HUWE1: variants seen among roughly 807,000 people sequenced by gnomAD.
HUWE1 encodes HECT, UBA and WWE domain containing E3 ubiquitin protein ligase 1.
Under a neutral mutation model 299.4 loss-of-function variants are expected in HUWE1, and 18 were observed. The observed-to-expected ratio is 0.06, with a 90% confidence interval of 0.04 to 0.09. The LOEUF is 0.09. HUWE1 is among the 10% of genes least tolerant of loss of function. HUWE1 has a pLI of 1.00. For synonymous variants in HUWE1, 1,317 were observed against 1,286.1 expected, an observed-to-expected ratio of 1.02 and a Z score of -0.51; for missense variants, 1,832 against 3,462.3, an observed-to-expected ratio of 0.53 and a Z score of 11.82.
intron 43 of HUWE1, among the ~76,000 whole-genome samples, chrX:53,577,693 T>G (rs1159162813): frequency 3.3e-5 from 1 of 29,872 alleles, no homozygotes; most frequent in Non-Finnish European, 8.7e-5. Context: ...TGGTTTTCGT[T>G]TTTTTTTTTT....
chrX:53,655,814 C>T (rs1157493373), intron 3 of HUWE1, among the ~76,000 whole-genome samples: 2 of 111,983 alleles, frequency 1.8e-5, no homozygotes, highest in African/African-American at 6.5e-5. Context: ...TGCTTTCCCT[C>T]TAAGATTAGG....
chrX:53,662,811 AAAG>A (rs782428145), intron 3 of HUWE1, among the ~76,000 whole-genome samples: 9 of 112,159 alleles, frequency 8.0e-5, no homozygotes, highest in African/African-American at 2.6e-4. Flanking sequence ...AAGGTAAGGC[AAAG>A]AAGGGGCCGG....
intron 62 of HUWE1, 24 bp from the exon 63 acceptor site, chrX:53,552,465 G>C (rs1252512386): frequency 8.3e-7 from 1 of 1,207,748 alleles, no homozygotes; most frequent in African/African-American, 1.7e-5. Context: ...TGCTCAGGTT[G>C]CTGTCTGTAT....
intron 43 of HUWE1, among the ~76,000 whole-genome samples, chrX:53,578,361 G>T (rs1315563840): frequency 9.6e-6 from 1 of 104,663 alleles, no homozygotes; most frequent in Non-Finnish European, 2.0e-5. Context: ...GGTGGGGGGG[G>T]GTCAGCCCCC....
intron 54 of HUWE1, 54 bp from the exon 55 acceptor site, chrX:53,561,978 C>T (rs2147658945): frequency 8.3e-7 from 1 of 1,211,220 alleles, no homozygotes. Context: ...TTTCTGAAGC[C>T]TGGTGCCATG....
chrX:53,678,824 C>A (rs2069968646), intron 3 of HUWE1, among the ~76,000 whole-genome samples: 1 of 111,565 alleles, frequency 9.0e-6, no homozygotes, highest in African/African-American at 3.3e-5. Context: ...ATGAAAAACC[C>A]CAAAGGCACA....
intron 70 of HUWE1, 129 bp from the exon 71 acceptor site, chrX:53,545,290 G>A: frequency 1.5e-6 from 1 of 657,587 alleles, no homozygotes. Flanking sequence ...AGAGTGAGCT[G>A]GAATCGTGCT....
At chrX:53,666,082 T>C (rs1404896570) in intron 3 of HUWE1, among the ~76,000 whole-genome samples, 1 of 112,452 alleles carries the variant, frequency 8.9e-6, no homozygotes, top group African/African-American at 3.2e-5. Context: ...TTCAATGAGT[T>C]CAGGAAAGTA....
At chrX:53,569,215 C>T (rs782368354) in intron 48 of HUWE1, among the ~76,000 whole-genome samples, 2 of 112,077 alleles carry the variant, frequency 1.8e-5, no homozygotes, top group African/African-American at 6.5e-5. Flanking sequence ...GACAGGGTTT[C>T]GCCATGTTGC....
Position 53,678,957 on chromosome X carries a change from G to A in HUWE1, c.-25+1092C>T, listed in dbSNP as rs782494720. Among the ~76,000 whole-genome samples, 3 of 111,507 alleles carry A rather than the reference G, an allele frequency of 2.7e-5. No individual in the cohort carries two copies. In the South Asian group the frequency reaches 1.1e-3, roughly 42 times the overall value. On this transcript the variant is annotated intron_variant, in intron 3 of 83. Coordinates refer to ENST00000262854, the MANE Select transcript of HUWE1 (RefSeq NM_031407.7). The stretch of plus-strand genomic sequence containing the variant: ...CAAATCAGACTTTGCCACAGAAAAA[G>A]GAATCCATGACTAGTTATTTTAGGA...
At chrX:53,575,485 C>T (rs781823500) in intron 45 of HUWE1, among the ~76,000 whole-genome samples, 158 bp downstream of exon 45, 1 of 111,878 alleles carries the variant, frequency 8.9e-6, no homozygotes, top group Admixed American at 9.4e-5. Context: ...AAAAAAGTCT[C>T]CAGGGACACC....
intron 23 of HUWE1, among the ~76,000 whole-genome samples, chrX:53,612,584 T>A (rs1277286032): frequency 2.7e-5 from 3 of 111,852 alleles, no homozygotes; most frequent in Non-Finnish European, 5.6e-5. Context: ...TGAGGCAATG[T>A]CTTGCTCTTG....
At chrX:53,634,183 C>A (rs782098604) in intron 8 of HUWE1, 53 bp downstream of exon 8, 4 of 954,683 alleles carry the variant, frequency 4.2e-6, no homozygotes, top group Non-Finnish European at 6.0e-6. Context: ...GTAAGGTTCA[C>A]AGAGAGGCCA....
intron 4 of HUWE1, among the ~76,000 whole-genome samples, chrX:53,652,844 C>G (rs1407040477): frequency 8.9e-6 from 1 of 112,470 alleles, no homozygotes; most frequent in African/African-American, 3.2e-5. Context: ...GTAATACTGA[C>G]AAGGGTATAT....
chrX:53,590,950 C>T, intron 34 of HUWE1, 50 bp downstream of exon 34: 1 of 1,202,002 alleles, frequency 8.3e-7, no homozygotes. Context: ...AAAAGGACTT[C>T]AGCAGTCAAA....
intron 43 of HUWE1, among the ~76,000 whole-genome samples, chrX:53,578,139 A>C (rs1236142767): frequency 9.7e-5 from 7 of 72,148 alleles, no homozygotes; most frequent in Non-Finnish European, 1.1e-4. Flanking sequence ...CCGGCCGCCC[A>C]TCGTCTGAGA....
At chrX:53,600,999 T>C (rs1368907606) in intron 28 of HUWE1, among the ~76,000 whole-genome samples, 2 of 112,159 alleles carry the variant, frequency 1.8e-5, no homozygotes, top group Admixed American at 9.4e-5. Context: ...TTAGTATGTT[T>C]TGACTAAATT....
At chrX:53,653,635 AGCTAAAACACTGGCCTT>A (rs2068604406) in intron 4 of HUWE1, among the ~76,000 whole-genome samples, 1 of 112,806 alleles carries the variant, frequency 8.9e-6, no homozygotes, top group South Asian at 3.6e-4. Context: ...AATAAAGACA[AGCTAAAACACTGGCCTT>A]AACAAAAAAA....
Position 53,627,825 on chromosome X carries a change from C to T in HUWE1, c.1297G>A (p.Val433Ile). 1 of 1,207,850 alleles carries T rather than the reference C, an allele frequency of 8.3e-7. No homozygotes were observed. Among genetic ancestry groups the T allele is most frequent in the South Asian group, 1.8e-5 (1 of 56,849 alleles). The change falls in exon 16 of 84, where the codon GTC becomes ATC. Residue 433 changes from valine to isoleucine, a missense_variant. Transcript: ENST00000262854. ...QDQITFVTRA[V>I]RVVDLITNLD... ...TTGGTGATAAGGTCAACCACTCTGA[C>T]GGCTCTGGTGACAAATGTTATCTGG... is the stretch of plus-strand genomic sequence containing the variant.
Sources: allele counts gnomAD v4.1 joint callset (sites outside exome capture counted in the v4.1 genomes callset), GRCh38; gene constraint gnomAD v4.1.1; transcripts MANE v1.5; gene names NCBI Gene and HGNC (gene_info 2026-07-23, HGNC 2026-07-21).